The following SGCG variants were observed in gnomAD, a reference collection of about 807,000 sequenced individuals.
The protein encoded by SGCG is gamma-sarcoglycan.
Under a neutral mutation model 29.3 loss-of-function variants are expected in SGCG, and 26 were observed. The ratio of observed to expected loss-of-function variants is 0.89; its 90% CI spans 0.65 to 1.23. SGCG has a LOEUF of 1.23. SGCG is among the 50% of genes most tolerant of loss of function. The pLI, the probability that SGCG is intolerant of heterozygous loss-of-function variation, is 0.00. For missense variants in SGCG, 353 were observed against 356.0 expected, an observed-to-expected ratio of 0.99 and a Z score of 0.07; for synonymous variants, 145 against 129.7, an observed-to-expected ratio of 1.12 and a Z score of -0.80.
At position 23,183,663 on chromosome 13, in the gene SGCG, C is replaced by T. The variant is rs576653169; in HGVS notation, c.-1+2588C>T. 4.6e-5 allele frequency among the ~76,000 whole-genome samples: 7 copies of T among 151,624 alleles called. No homozygotes were observed. The East Asian group carries it at 1.4e-3, about 29-fold the overall frequency. ...TAACGAAAACTTTATATAAAATATT[C>T]TCCCTTTATTTTTATTTTTTTTTGA... On this transcript the variant is annotated intron_variant, in intron 1 of 7. Coordinates refer to ENST00000218867, the MANE Select transcript of SGCG (RefSeq NM_000231.3).
chr13:23,248,699 G>C (rs60071704), intron 3 of SGCG, among the ~76,000 whole-genome samples: 5,086 of 99,328 alleles, frequency 0.051, 187 homozygotes, highest in East Asian at 0.27. Context: ...GTCTCAAAAA[G>C]AAAAAAAAAA....
intron 6 of SGCG, among the ~76,000 whole-genome samples, chr13:23,302,816 T>G (rs1193000426): frequency 1.3e-5 from 2 of 152,166 alleles, no homozygotes; most frequent in African/African-American, 4.8e-5. Context: ...GGAGTCAAGA[T>G]CAGGCATCAA....
chr13:23,162,343 G>A, the SGCG span, among the ~76,000 whole-genome samples: 7 of 152,314 alleles, frequency 4.6e-5, no homozygotes, highest in African/African-American at 1.7e-4. Context: ...GGGCGGGCGC[G>A]GTGGCTCACG....
chr13:23,263,934 A>G (rs1880542340), intron 4 of SGCG, among the ~76,000 whole-genome samples: 1 of 152,180 alleles, frequency 6.6e-6, no homozygotes, highest in African/African-American at 2.4e-5. Flanking sequence ...TCTCAAAATA[A>G]TAGAAGCCAT....
At chr13:23,173,164 A>T in the SGCG span, among the ~76,000 whole-genome samples, 3 of 152,176 alleles carry the variant, frequency 2.0e-5, no homozygotes, top group Admixed American at 6.5e-5. Context: ...CTGGGCAAGG[A>T]TCTACCCACT....
At position 23,185,033 on chromosome 13, in the gene SGCG, T is replaced by A. The variant is rs115899766; in HGVS notation, c.-1+3958T>A. On this transcript the variant is annotated intron_variant, in intron 1 of 7. Transcript: ENST00000218867. ...ACCAGTATGAGATTGTAGGCAGATG[T>A]CCTCGCAGAAGTGTTTAAGGTTGTG... Among the ~76,000 whole-genome samples, 243 of 152,350 alleles carry A rather than the reference T, an allele frequency of 1.6e-3. 1 individual carries two copies. Among genetic ancestry groups the A allele is most frequent in the African/African-American group, 5.6e-3 (232 of 41,578 alleles).
chr13:23,201,615 ACGCTTTC>A, intron 1 of SGCG, among the ~76,000 whole-genome samples: 1 of 152,170 alleles, frequency 6.6e-6, no homozygotes. Flanking sequence ...AGCCTTGCCC[ACGCTTTC>A]ATTAAGACCT....
At chr13:23,183,615 C>CT (rs755125874) in intron 1 of SGCG, among the ~76,000 whole-genome samples, 8 of 152,090 alleles carry the variant, frequency 5.3e-5, no homozygotes, top group Admixed American at 6.5e-5. Context: ...GAAAATCTTC[C>CT]TTTTCTTCAA....
rs531643288 is a variant in SGCG, at chr13:23,220,528, C to T, written c.196-14083C>T. 8.7e-4 allele frequency among the ~76,000 whole-genome samples: 133 copies of T among 152,272 alleles called. 1 individual carries two copies. The highest frequency in any genetic ancestry group is 3.1e-3 in the African/African-American group (130 of 41,560). On this transcript the variant is annotated intron_variant, in intron 2 of 7. Coordinates refer to ENST00000218867, the MANE Select transcript of SGCG (RefSeq NM_000231.3). ...TTTCTGAGAGTCAATTAGAAGATATCATTCAGTTGAAATTAAATTATTCTC... is the reference window on the plus strand; with the variant it reads ...TTTCTGAGAGTCAATTAGAAGATATTATTCAGTTGAAATTAAATTATTCTC...
At chr13:23,308,834 G>A (rs1235343446) in intron 6 of SGCG, among the ~76,000 whole-genome samples, 6 of 152,184 alleles carry the variant, frequency 3.9e-5, no homozygotes, top group Non-Finnish European at 5.9e-5. Context: ...AGAGTGCTGG[G>A]ATTGCAGGTG....
At chr13:23,232,176 C>T (rs866546517) in intron 2 of SGCG, among the ~76,000 whole-genome samples, 19 of 152,020 alleles carry the variant, frequency 1.2e-4, no homozygotes, top group African/African-American at 4.1e-4. Flanking sequence ...GGTAGCTGCA[C>T]CTAGCAGTGT....
chr13:23,276,431 C>CTTTTTTTTTTTTTTTTT lies in SGCG; in HGVS notation c.386-2925_386-2909dup, dbSNP rs71100165. On this transcript the variant is annotated intron_variant, in intron 4 of 7. Transcript: ENST00000218867. ...CATGAACGCTTTCTTTTTTAGTTTT[C>CTTTTTTTTTTTTTTTTT]TTTTTTTTTTTTTTTTTTTGAGACA... Among the ~76,000 whole-genome samples, 12 of 102,338 alleles carry CTTTTTTTTTTTTTTTTT rather than the reference C, an allele frequency of 1.2e-4. 1 individual carries two copies. The highest frequency in any genetic ancestry group is 1.4e-4 in the African/African-American group (4 of 28,548). 67.1% of individuals were successfully genotyped at this position (102,338 alleles called of 152,430 possible).
At chr13:23,267,194 G>A (rs947664058) in intron 4 of SGCG, among the ~76,000 whole-genome samples, 5 of 152,154 alleles carry the variant, frequency 3.3e-5, no homozygotes, top group African/African-American at 1.2e-4. Flanking sequence ...GATGAAGTTT[G>A]GCAGTTGGGT....
At chr13:23,202,713 AAGG>A (rs1165345939) in intron 1 of SGCG, among the ~76,000 whole-genome samples, 2 of 152,170 alleles carry the variant, frequency 1.3e-5, no homozygotes, top group Non-Finnish European at 2.9e-5. Flanking sequence ...GTTAAATTGG[AAGG>A]AGATTTAAAG....
At chr13:23,192,136 T>C (rs12872334) in intron 1 of SGCG, among the ~76,000 whole-genome samples, 26,742 of 148,404 alleles carry the variant, frequency 0.18, 3,009 homozygotes, top group East Asian at 0.45. Flanking sequence ...GATCGCGCCA[T>C]TGCACTCCAG....
the SGCG span, among the ~76,000 whole-genome samples, chr13:23,163,104 G>T: frequency 2.0e-5 from 3 of 152,140 alleles, no homozygotes; most frequent in Non-Finnish European, 2.9e-5. Flanking sequence ...GTAGTTAAAT[G>T]TGAAGTAAAA....
At chr13:23,313,890 G>T (rs2137514598) in intron 6 of SGCG, among the ~76,000 whole-genome samples, 1 of 152,274 alleles carries the variant, frequency 6.6e-6, no homozygotes, top group Admixed American at 6.5e-5. Flanking sequence ...CTAATCAGCT[G>T]CCAGCGAATA....
intron 4 of SGCG, among the ~76,000 whole-genome samples, chr13:23,260,645 G>A (rs930876741): frequency 9.9e-5 from 15 of 152,202 alleles, no homozygotes; most frequent in African/African-American, 3.4e-4. Flanking sequence ...TAGCATCGAT[G>A]GTCTTTACAA....
chr13:23,233,014 C>G (rs998478425), intron 2 of SGCG, among the ~76,000 whole-genome samples: 2 of 152,098 alleles, frequency 1.3e-5, no homozygotes, highest in African/African-American at 4.8e-5. Context: ...TGGCAGTTCT[C>G]AAAAAATTAA....
Sources: allele counts gnomAD v4.1 joint callset (sites outside exome capture counted in the v4.1 genomes callset), GRCh38; gene constraint gnomAD v4.1.1; transcripts MANE v1.5; gene names NCBI Gene and HGNC (gene_info 2026-07-23, HGNC 2026-07-21).